Variants in MGAM observed in about 807,000 individuals in gnomAD.
The protein encoded by MGAM is alpha-1,4-glucosidase.
Under a neutral mutation model 358.8 loss-of-function variants are expected in MGAM, and 253 were observed. That is an observed-to-expected ratio of 0.71 (90% CI 0.64 to 0.78). The LOEUF is 0.78. Among genes scored for constraint, MGAM ranks in the 30% least tolerant of loss-of-function variants. MGAM has a pLI of 0.00. For synonymous variants in MGAM, 1,105 were observed against 1,227.1 expected (o/e 0.90, Z 2.08); for missense variants, 3,080 against 3,432.6 (o/e 0.90, Z 2.57).
intron 1 of MGAM, among the ~76,000 whole-genome samples, chr7:142,000,087 G>C (rs1554450178): frequency 6.6e-6 from 1 of 152,110 alleles, no homozygotes; most frequent in Non-Finnish European, 1.5e-5. Context: ...TATGCATATT[G>C]GTTATCTATT....
rs781786759 is a variant in MGAM, at chr7:142,027,116, G to T, written c.984G>T (p.Glu328Asp). Reference protein sequence around the residue: ...GVFLMNSNAMEVVLQPAPAIT... With the variant: ...GVFLMNSNAMDVVLQPAPAIT... ...TTTCTTCATTTTTAACCTTTCAAGA[G>T]GTTGTCCTTCAGCCTGCGCCAGCCA... Residue 328 changes from glutamate to aspartate, a missense_variant and splice_region_variant, in exon 9 of 71, where the codon GAG (glutamate) becomes GAT (aspartate). Around this residue, in one of 5 missense-constraint regions of MGAM, gnomAD observed 1,816 missense variants for 1,840.5 expected, o/e 0.99. Transcript: ENST00000475668. 1.2e-6 allele frequency: 2 copies of T among 1,609,522 alleles called. No homozygotes were observed. The highest frequency in any genetic ancestry group is 1.7e-4 in the Middle Eastern group (1 of 6,048).
chr7:141,992,584 A>T (rs1421665879), upstream of MGAM, among the ~76,000 whole-genome samples: 25 of 151,984 alleles, frequency 1.6e-4, no homozygotes, highest in Non-Finnish European at 3.2e-4. Context: ...TCTTGTTTTT[A>T]TTTATTTATT....
Position 142,056,105 on chromosome 7 carries a change from A to T in MGAM, c.3580+9A>T. ...GAACAGCAATGCCATGGGTAAGGCC[A>T]TCAGCACCTCCCTTATTTTGGGGGG... On this transcript the variant is annotated intron_variant, in intron 29 of 70. Coordinates refer to ENST00000475668, the MANE Select transcript of MGAM (RefSeq NM_001365693.1). 6.3e-7 allele frequency: 1 copy of T among 1,594,232 alleles called. No individual in the cohort carries two copies. The highest frequency in any genetic ancestry group is 1.7e-4 in the Middle Eastern group (1 of 6,040).
At chr7:142,030,928 C>T (rs1033121678) in intron 12 of MGAM, among the ~76,000 whole-genome samples, 171 bp downstream of exon 12, 1 of 151,868 alleles carries the variant, frequency 6.6e-6, no homozygotes, top group South Asian at 2.1e-4. Context: ...AAGTGCAAGC[C>T]GGCCATCGTA....
chr7:142,036,140 G>T, intron 16 of MGAM, 29 bp from the exon 17 acceptor site: 2 of 1,488,540 alleles, frequency 1.3e-6, no homozygotes, highest in Non-Finnish European at 1.9e-6. Flanking sequence ...AGGAAGTGAG[G>T]TATACCTGTT....
intron 21 of MGAM, among the ~76,000 whole-genome samples, chr7:142,044,333 A>G (rs181442872): frequency 3.0e-4 from 42 of 140,038 alleles, no homozygotes; most frequent in Non-Finnish European, 5.5e-4. Context: ...TATATAATAT[A>G]TAATATATAT....
At chr7:141,997,169 A>T (rs1219651403) in intron 1 of MGAM, among the ~76,000 whole-genome samples, 1 of 152,144 alleles carries the variant, frequency 6.6e-6, no homozygotes, top group Non-Finnish European at 1.5e-5. Context: ...GTCTCCCTGA[A>T]AAAGGATACC....
intron 68 of MGAM, 66 bp downstream of exon 68, chr7:142,100,956 C>T: frequency 7.5e-7 from 1 of 1,335,412 alleles, no homozygotes; most frequent in South Asian, 1.3e-5. Context: ...ATCTTACAGG[C>T]CTGCTTTCAC....
At chr7:142,010,060 T>C (rs1805484764) in intron 3 of MGAM, among the ~76,000 whole-genome samples, 1 of 152,194 alleles carries the variant, frequency 6.6e-6, no homozygotes, top group South Asian at 2.1e-4. Context: ...TAACTTTCTC[T>C]GCAGATGATT....
rs73739157 is a variant in MGAM, at chr7:142,090,202, G to A, written c.6811-1711G>A. On this transcript the variant is annotated intron_variant, in intron 57 of 70. Coordinates refer to ENST00000475668, the MANE Select transcript of MGAM (RefSeq NM_001365693.1). ...AGGTAGAGCCAGCACGTTGGAGAACGGCAGAACATTTTTATGAAGTTGGAA... is the reference window on the plus strand; with the variant it reads ...AGGTAGAGCCAGCACGTTGGAGAACAGCAGAACATTTTTATGAAGTTGGAA... Among the ~76,000 whole-genome samples the A allele has an allele frequency of 8.3e-3, 1,213 of 145,928 alleles. 55 individuals carry two copies. Among genetic ancestry groups the A allele is most frequent in the African/African-American group, 0.028 (1,153 of 41,138 alleles).
intron 57 of MGAM, among the ~76,000 whole-genome samples, chr7:142,088,751 A>ATCTC (rs1481278996): frequency 7.3e-5 from 2 of 27,330 alleles, no homozygotes; most frequent in Non-Finnish European, 1.9e-4. Context: ...CTGTCTGTCT[A>ATCTC]TCTATCTATC....
In MGAM at chr7:142,052,345, G is replaced by C. The variant is rs776130546; in HGVS notation, c.2857G>C (p.Glu953Gln). 1 of 1,610,264 alleles carries C rather than the reference G, an allele frequency of 6.2e-7. No homozygotes were observed. Among genetic ancestry groups the C allele is most frequent in the Admixed American group, 1.7e-5 (1 of 59,458 alleles). The part of the protein sequence containing the change: ...DLLLGEAYTV[E>Q]WSIKIRDEEK... Reference sequence around the variant, plus strand: ...TCTCCTGGGAGAAGCATACACAGTGGAATGGAGCATAAAGATAAGGGATGA... The same window carrying C: ...TCTCCTGGGAGAAGCATACACAGTGCAATGGAGCATAAAGATAAGGGATGA... The change falls in exon 25 of 71, where the codon GAA becomes CAA. Residue 953 changes from glutamate (E) to glutamine (Q), a missense_variant. By Grantham distance (29) the Glu-to-Gln change is conservative. Coordinates refer to ENST00000475668, the MANE Select transcript of MGAM (RefSeq NM_001365693.1).
chr7:142,030,227 G>T, intron 10 of MGAM, 135 bp from the exon 11 acceptor site: 6 of 923,652 alleles, frequency 6.5e-6, no homozygotes, highest in African/African-American at 3.4e-5. Flanking sequence ...GTACTCAGAT[G>T]CCAGGAACTG....
At chr7:142,030,271 T>C in intron 10 of MGAM, 91 bp from the exon 11 acceptor site, 1 of 1,331,366 alleles carries the variant, frequency 7.5e-7, no homozygotes, top group Non-Finnish European at 1.0e-6. Flanking sequence ...AGAACAGAGT[T>C]GTTTATCCTG....
intron 3 of MGAM, 104 bp downstream of exon 3, chr7:142,008,809 G>C: frequency 7.8e-7 from 1 of 1,274,552 alleles, no homozygotes; most frequent in East Asian, 2.5e-5. Context: ...ACTCTCAAGA[G>C]AGGTGTTTAT....
intron 64 of MGAM, 149 bp downstream of exon 64, chr7:142,095,862 A>AGT (rs1815858415): frequency 5.8e-6 from 7 of 1,209,832 alleles, no homozygotes; most frequent in Non-Finnish European, 6.9e-6. Context: ...TCTTTAGCAC[A>AGT]GTGCTATACA....
chr7:141,996,318 C>T (rs1804228446), intron 1 of MGAM, among the ~76,000 whole-genome samples: 1 of 151,608 alleles, frequency 6.6e-6, no homozygotes, highest in Non-Finnish European at 1.5e-5. Flanking sequence ...AAAAAAAAGC[C>T]CTTGTTAATT....
chr7:142,054,969 A>G (rs1811356864), intron 27 of MGAM, 61 bp downstream of exon 27: 2 of 1,557,956 alleles, frequency 1.3e-6, no homozygotes, highest in East Asian at 2.2e-5. Context: ...TGCCAGGTCC[A>G]TTGTCCTTGG....
chr7:142,102,611 T>C lies in MGAM; in HGVS notation c.7964-19T>C. On this transcript the variant is annotated intron_variant, in intron 68 of 70. Transcript: ENST00000475668. ...ACAGCACAGGTCCAGGCCATGTTTA[T>C]CTTGTTTTTTGTTTGCAGATACCTA... 6.2e-7 allele frequency: 1 copy of C among 1,611,566 alleles called. No individual in the cohort carries two copies. Among genetic ancestry groups the C allele is most frequent in the Non-Finnish European group, 8.5e-7 (1 of 1,178,432 alleles).
Sources: allele counts gnomAD v4.1 joint callset (sites outside exome capture counted in the v4.1 genomes callset), GRCh38; gene constraint gnomAD v4.1.1; regional missense constraint gnomAD v4.1.1; transcripts MANE v1.5; gene names NCBI Gene and HGNC (gene_info 2026-07-23, HGNC 2026-07-21).